The following ARHGEF26 variants were observed in gnomAD, a reference collection of about 807,000 sequenced individuals.
ARHGEF26 encodes Rho guanine nucleotide exchange factor 26.
A neutral mutation model predicts 89.4 loss-of-function variants in ARHGEF26; 59 were observed. The observed-to-expected ratio is 0.66, with a 90% CI of 0.54 to 0.82. The LOEUF is 0.82. Ranked by LOEUF, ARHGEF26 falls within the 40% of genes least tolerant of loss-of-function variation. ARHGEF26 has a pLI of 0.00. For missense variants in ARHGEF26, 1,234 were observed against 1,085.6 expected (o/e 1.14, Z -1.92); for synonymous variants, 500 against 428.4 (o/e 1.17, Z -2.06).
chr3:154,187,267 T>G, intron 6 of ARHGEF26: 1 of 920,520 alleles, frequency 1.1e-6, no homozygotes, highest in South Asian at 5.0e-5. Flanking sequence ...ATATAAGCAT[T>G]CACTCCCCTT....
At chr3:154,187,609 A>C in intron 6 of ARHGEF26, 76 bp from the exon 7 acceptor site, 1 of 1,305,310 alleles carries the variant, frequency 7.7e-7, no homozygotes, top group South Asian at 1.7e-5. Flanking sequence ...GTGTAATAAC[A>C]TTACATGAGG....
intron 6 of ARHGEF26, among the ~76,000 whole-genome samples, chr3:154,165,129 A>T (rs1311772252): frequency 6.6e-6 from 1 of 151,960 alleles, no homozygotes; most frequent in African/African-American, 2.4e-5. Context: ...ATATGGGAGG[A>T]GTTTGGTTTA....
rs1491558352 is a variant in ARHGEF26, at chr3:154,124,390, T to TTTTTA, written c.1084-20_1084-19insTTTTA. On this transcript the variant is annotated intron_variant, in intron 2 of 14. Coordinates refer to ENST00000465093, the MANE Select transcript of ARHGEF26 (RefSeq NM_015595.4). The stretch of plus-strand genomic sequence containing the variant: ...GCTTTTCCTTTTTTTTTTTTTTTTT[T>TTTTTA]ACTTTTTTTTGTCTCTTAGAAAAAA... The TTTTTA allele has an allele frequency of 3.0e-5, 41 of 1,356,428 alleles. No homozygotes were observed. The highest frequency in any genetic ancestry group is 3.6e-5 in the Non-Finnish European group (37 of 1,022,960). 84.0% of individuals were successfully genotyped at this position (1,356,428 alleles called of 1,614,324 possible).
chr3:154,240,595 GA>G lies in ARHGEF26; in HGVS notation c.2300+20del. On this transcript the variant is annotated intron_variant, in intron 12 of 14. Transcript: ENST00000465093. Reference sequence around the variant, plus strand: ...CTGAGACGCAGTAAGTATATGTGGGGAAAAGATTGGAATAGCTGATAGTATC... The same window carrying G: ...CTGAGACGCAGTAAGTATATGTGGGGAAAGATTGGAATAGCTGATAGTATC... The G allele has an allele frequency of 6.3e-7, 1 of 1,583,514 alleles. No individual in the cohort carries two copies. Among genetic ancestry groups the G allele is most frequent in the Non-Finnish European group, 8.6e-7 (1 of 1,163,598 alleles).
chr3:154,125,200 G>A (rs529506191), intron 3 of ARHGEF26, among the ~76,000 whole-genome samples: 4 of 152,148 alleles, frequency 2.6e-5, no homozygotes, highest in Non-Finnish European at 5.9e-5. Flanking sequence ...GAATAATAAA[G>A]AAGGGAGTGC....
In ARHGEF26 at chr3:154,152,648, A is replaced by T. The variant is rs137874768; in HGVS notation, c.1327-124A>T. 136 of 615,192 alleles carry T rather than the reference A, an allele frequency of 2.2e-4. No individual in the cohort carries two copies. The African/African-American group carries it at 2.5e-3, about 11-fold the overall frequency. The allele number at this position is 615,192 out of a possible 1,614,324, so 38.1% of individuals were successfully genotyped here. ...GTTGTTTCTTTAATGTTCTTTTTGT[A>T]CTTTCCAAGATACTATACCTGAAAA... On this transcript the variant is annotated intron_variant, in intron 5 of 14. Coordinates refer to ENST00000465093, the MANE Select transcript of ARHGEF26 (RefSeq NM_015595.4).
intron 6 of ARHGEF26, among the ~76,000 whole-genome samples, chr3:154,158,861 T>C (rs1019829185): frequency 3.9e-5 from 6 of 152,264 alleles, no homozygotes; most frequent in African/African-American, 1.4e-4. Context: ...AATTTATAGA[T>C]AATCCCTGTG....
chr3:154,133,800 T>C (rs1292816215), intron 4 of ARHGEF26, among the ~76,000 whole-genome samples: 1 of 152,220 alleles, frequency 6.6e-6, no homozygotes, highest in Non-Finnish European at 1.5e-5. Flanking sequence ...AGTATGGCCA[T>C]TTTAATGATA....
intron 9 of ARHGEF26, among the ~76,000 whole-genome samples, chr3:154,196,183 A>G (rs1714280803): frequency 6.6e-6 from 1 of 152,174 alleles, no homozygotes; most frequent in South Asian, 2.1e-4. Flanking sequence ...CGGCAGTGGT[A>G]GCTAACTGTC....
chr3:154,226,695 A>ACC (rs1553750134), intron 11 of ARHGEF26, among the ~76,000 whole-genome samples: 1 of 125,966 alleles, frequency 7.9e-6, no homozygotes, highest in East Asian at 2.3e-4. Context: ...ACACACACAC[A>ACC]CCCCTTCAGC....
At chr3:154,141,124 G>C (rs561162523) in intron 4 of ARHGEF26, among the ~76,000 whole-genome samples, 1 of 151,954 alleles carries the variant, frequency 6.6e-6, no homozygotes, top group Non-Finnish European at 1.5e-5. Flanking sequence ...ACCTTGCCCG[G>C]CTGATTTTTT....
chr3:154,132,341 C>T (rs953844343), intron 4 of ARHGEF26, among the ~76,000 whole-genome samples: 4 of 152,064 alleles, frequency 2.6e-5, no homozygotes, highest in Admixed American at 6.6e-5. Context: ...CAGCGAACCC[C>T]TCCTTCCTTT....
chr3:154,122,247 C>T lies in ARHGEF26; in HGVS notation c.255C>T (p.Gly85=), dbSNP rs567112998. 3 of 1,611,160 alleles carry T rather than the reference C, an allele frequency of 1.9e-6. No individual in the cohort carries two copies. Among genetic ancestry groups the T allele is most frequent in the South Asian group, 1.1e-5 (1 of 90,758 alleles). The change falls in exon 2 of 15, where the codon GGC becomes GGT. Residue 85 remains glycine (G), a synonymous_variant. Coordinates refer to ENST00000465093, the MANE Select transcript of ARHGEF26 (RefSeq NM_015595.4). ...TACATAGGAGCCCCCTGCTTCTGGG[C>T]GCCCAGCGGAGAGCGGTGGCCAATG... ...RTVHRSPLLL[G]AQRRAVANGG... is the part of the protein sequence containing the mutation.
At chr3:154,140,756 T>C (rs547584824) in intron 4 of ARHGEF26, among the ~76,000 whole-genome samples, 3 of 152,088 alleles carry the variant, frequency 2.0e-5, no homozygotes, top group South Asian at 2.1e-4. Context: ...AATTTTTGTA[T>C]TTTTAATAGA....
intron 3 of ARHGEF26, among the ~76,000 whole-genome samples, chr3:154,128,623 G>C (rs1718480914): frequency 6.6e-6 from 1 of 152,170 alleles, no homozygotes; most frequent in Non-Finnish European, 1.5e-5. Flanking sequence ...GGTACATACA[G>C]ACATACCAAG....
Position 154,256,633 on chromosome 3 carries a change from C to T in ARHGEF26, c.*1160C>T, listed in dbSNP as rs906881803. The T allele has an allele frequency of 8.3e-6, 9 of 1,089,256 alleles. No individual in the cohort carries two copies. In the South Asian group the frequency reaches 2.2e-4, roughly 27 times the overall value. The allele number at this position is 1,089,256 out of a possible 1,614,324, so 67.5% of individuals were successfully genotyped here. ...GAGGCTGCTTTGCCTTCAATAATACCTAGTTTTCAGCTGTTCCAACTCGTT... is the reference window on the plus strand; with the variant it reads ...GAGGCTGCTTTGCCTTCAATAATACTTAGTTTTCAGCTGTTCCAACTCGTT... On this transcript the variant is annotated 3_prime_UTR_variant, in exon 15 of 15. Transcript: ENST00000465093.
chr3:154,256,208 G>A lies in ARHGEF26; in HGVS notation c.*735G>A. On this transcript the variant is annotated 3_prime_UTR_variant, in exon 15 of 15. Coordinates refer to ENST00000465093, the MANE Select transcript of ARHGEF26 (RefSeq NM_015595.4). ...GTAGAATTTAGATGGGTTCATATAT[G>A]TGAGAAAAACCTGAATATAGGACAG... is the stretch of plus-strand genomic sequence containing the variant. 1 of 985,700 alleles carries A rather than the reference G, an allele frequency of 1.0e-6. No homozygotes were observed. The highest frequency in any genetic ancestry group is 1.2e-6 in the Non-Finnish European group (1 of 830,016). 61.1% of individuals were successfully genotyped at this position (985,700 alleles called of 1,614,324 possible).
Position 154,240,468 on chromosome 3 carries a change from G to C in ARHGEF26, c.2189G>C (p.Ser730Thr). 1 of 1,613,292 alleles carries C rather than the reference G, an allele frequency of 6.2e-7. No homozygotes were observed. The highest frequency in any genetic ancestry group is 8.5e-7 in the Non-Finnish European group (1 of 1,179,522). Reference protein sequence around the residue: ...EELNSSPGKNSSTMLYSRQSS... With the variant: ...EELNSSPGKNTSTMLYSRQSS... Reference sequence around the variant, plus strand: ...CTTAATTCTTCTCCAGGGAAGAACAGCTCCACAATGCTCTATTCAAGACAG... The same window carrying C: ...CTTAATTCTTCTCCAGGGAAGAACACCTCCACAATGCTCTATTCAAGACAG... Residue 730 changes from serine (S) to threonine (T), a missense_variant, in exon 12 of 15, where the codon AGC becomes ACC. Ser to Thr is a moderately conservative substitution (Grantham distance 58, BLOSUM62 1). Transcript: ENST00000465093.
At chr3:154,200,404 G>A (rs147973543) in intron 9 of ARHGEF26, among the ~76,000 whole-genome samples, 160 of 151,988 alleles carry the variant, frequency 1.1e-3, no homozygotes, top group African/African-American at 3.6e-3. Flanking sequence ...TCTTTTTTCT[G>A]CTCCACTGGC....
Sources: allele counts gnomAD v4.1 joint callset (sites outside exome capture counted in the v4.1 genomes callset), GRCh38; gene constraint gnomAD v4.1.1; transcripts MANE v1.5; gene names NCBI Gene and HGNC (gene_info 2026-07-23, HGNC 2026-07-21).